The following CACNA1C variants were observed in gnomAD, a reference collection of about 807,000 sequenced individuals.
The protein encoded by CACNA1C is voltage-dependent L-type calcium channel subunit alpha-1C.
In CACNA1C, 30 loss-of-function variants were observed where a neutral mutation model predicts 229.0. That is an observed-to-expected ratio of 0.13 (90% CI 0.10 to 0.18). The LOEUF (loss-of-function observed/expected upper bound fraction) is 0.18, where lower values mean the gene tolerates loss of function less well. CACNA1C is among the 10% of genes least tolerant of loss of function. The pLI is 1.00. For missense variants in CACNA1C, 1,658 were observed against 2,845.0 expected (o/e 0.58, Z 9.49); for synonymous variants, 1,114 against 1,132.5 (o/e 0.98, Z 0.33).
chr12:2,505,398 ATTAT>A (rs1373860815), intron 8 of CACNA1C, among the ~76,000 whole-genome samples: 1 of 152,146 alleles, frequency 6.6e-6, no homozygotes, highest in African/African-American at 2.4e-5. Context: ...AAAGCCATAT[ATTAT>A]TTAAGAATAG....
chr12:2,079,188 G>A (rs1195740371), intron 1 of CACNA1C, among the ~76,000 whole-genome samples: 1 of 151,318 alleles, frequency 6.6e-6, no homozygotes, highest in East Asian at 1.9e-4. Context: ...TAAATGAAGA[G>A]TTAATGGGTG....
chr12:2,674,874 A>G (rs1393853129), intron 39 of CACNA1C, among the ~76,000 whole-genome samples: 1 of 152,184 alleles, frequency 6.6e-6, no homozygotes, highest in Non-Finnish European at 1.5e-5. Context: ...CAGAAACAGA[A>G]AGTCAGGTTG....
intron 6 of CACNA1C, among the ~76,000 whole-genome samples, chr12:2,487,353 G>A (rs997372496): frequency 6.6e-6 from 1 of 150,462 alleles, no homozygotes; most frequent in African/African-American, 2.5e-5. Context: ...GGGACCTCTC[G>A]CTTCATTGGG....
At chr12:2,402,759 G>A (rs191878436) in intron 3 of CACNA1C, among the ~76,000 whole-genome samples, 200 of 152,324 alleles carry the variant, frequency 1.3e-3, no homozygotes, top group African/African-American at 4.2e-3. Context: ...CAGTGCCAGT[G>A]GGAGCCCTGG....
At chr12:2,484,973 G>A (rs2099692415) in intron 5 of CACNA1C, among the ~76,000 whole-genome samples, 1 of 148,924 alleles carries the variant, frequency 6.7e-6, no homozygotes, top group Non-Finnish European at 1.5e-5. Context: ...AATCAGCCTT[G>A]CGAGAATCAC....
intron 10 of CACNA1C, among the ~76,000 whole-genome samples, chr12:2,554,685 C>A (rs922235718): frequency 6.6e-6 from 1 of 152,164 alleles, no homozygotes; most frequent in Non-Finnish European, 1.5e-5. Flanking sequence ...GAACCCTGGG[C>A]CACCTCCCAG....
At chr12:2,140,711 A>G (rs1049821354) in intron 3 of CACNA1C, among the ~76,000 whole-genome samples, 6 of 151,400 alleles carry the variant, frequency 4.0e-5, no homozygotes, top group African/African-American at 1.5e-4. Flanking sequence ...TCCTTCATGC[A>G]TTCCTTCTGT....
chr12:2,651,837 C>T lies in CACNA1C; in HGVS notation c.4074+69C>T. ...GCCGCGTGGCCCAGAACACAGCTGACACAAGGAGGAGCCCTCCACTCTGGG... is the reference window on the plus strand; with the variant it reads ...GCCGCGTGGCCCAGAACACAGCTGATACAAGGAGGAGCCCTCCACTCTGGG... On this transcript the variant is annotated intron_variant, in intron 32 of 46. Coordinates refer to ENST00000399655, the MANE Select transcript of CACNA1C (RefSeq NM_000719.7). The surrounding 1 kb of genome is among the most constrained non-coding windows in gnomAD (Gnocchi z 5.4). 3 of 1,286,894 alleles carry T rather than the reference C, an allele frequency of 2.3e-6. No individual in the cohort carries two copies. Among genetic ancestry groups the T allele is most frequent in the Admixed American group, 2.2e-5 (1 of 45,268 alleles). The allele number at this position is 1,286,894 out of a possible 1,614,324, so 79.7% of individuals were successfully genotyped here.
At chr12:2,648,885 A>G (rs960225177) in intron 31 of CACNA1C, among the ~76,000 whole-genome samples, 4 of 152,190 alleles carry the variant, frequency 2.6e-5, no homozygotes, top group Admixed American at 6.5e-5. Flanking sequence ...TATGAGAGCC[A>G]TGGTAGGGCT....
intron 18 of CACNA1C, among the ~76,000 whole-genome samples, chr12:2,588,136 T>G (rs749099175): frequency 2.0e-5 from 3 of 152,200 alleles, no homozygotes; most frequent in African/African-American, 2.4e-5. Context: ...TCCCAGAGAC[T>G]CCTCCGAAGA....
chr12:2,550,682 T>C (rs10848675), intron 10 of CACNA1C: 1,277,107 of 1,336,042 alleles, frequency 0.96, 611,250 homozygotes, highest in Non-Finnish European at 0.97. Flanking sequence ...CATTTCTGAA[T>C]TGCTCCACCT....
intron 1 of CACNA1C, among the ~76,000 whole-genome samples, chr12:2,069,180 C>G (rs2060368372): frequency 6.6e-6 from 1 of 152,206 alleles, no homozygotes; most frequent in Non-Finnish European, 1.5e-5. Context: ...ACATCACAGC[C>G]TGCAATCCCA....
At chr12:1,983,066 T>C (rs2036610070) in intron 1 of CACNA1C, among the ~76,000 whole-genome samples, 1 of 152,118 alleles carries the variant, frequency 6.6e-6, no homozygotes, top group South Asian at 2.1e-4. Context: ...TCCCTTATTA[T>C]CCTTTTAATG....
At position 2,214,811 on chromosome 12, in the gene CACNA1C, A is replaced by G. The variant is rs575771116; in HGVS notation, c.477+94381A>G. 3.5e-4 allele frequency among the ~76,000 whole-genome samples: 44 copies of G among 126,390 alleles called. No homozygotes were observed. In the East Asian group the frequency reaches 9.4e-3, roughly 27 times the overall value. The allele number at this position is 126,390 out of a possible 152,430, so 82.9% of individuals were successfully genotyped here. A position where few individuals can be genotyped will look rare whatever the true frequency, so the allele number is the denominator to read the frequency against. On this transcript the variant is annotated intron_variant, in intron 3 of 46. Transcript: ENST00000399655. ...AGGCAGACACTTCTAGTTAGCGCAC[A>G]TGGTTGATGGACATGTGAGGTTCCT...
chr12:2,626,573 T>G (rs1226923952), intron 29 of CACNA1C, among the ~76,000 whole-genome samples: 1 of 152,204 alleles, frequency 6.6e-6, no homozygotes, highest in African/African-American at 2.4e-5. Context: ...TGCATGGCCA[T>G]GTGTCTGCCT....
chr12:2,075,137 T>C (rs1457816389), intron 1 of CACNA1C, among the ~76,000 whole-genome samples: 9 of 152,236 alleles, frequency 5.9e-5, no homozygotes, highest in Admixed American at 5.9e-4. Context: ...CCCGCTCTCC[T>C]TAGCCCAGGC....
intron 3 of CACNA1C, among the ~76,000 whole-genome samples, chr12:2,420,787 A>G (rs377059056): frequency 5.9e-5 from 9 of 152,190 alleles, no homozygotes; most frequent in Non-Finnish European, 1.3e-4. Flanking sequence ...TGCGCCTTGC[A>G]TTGCTCTCAC....
intron 1 of CACNA1C, among the ~76,000 whole-genome samples, chr12:2,045,145 G>C (rs572116712): frequency 2.6e-4 from 39 of 152,254 alleles, no homozygotes; most frequent in African/African-American, 7.7e-4. Context: ...ATTTCTGATG[G>C]CCAAATAAAT....
intron 3 of CACNA1C, among the ~76,000 whole-genome samples, chr12:2,201,862 G>T (rs1262809541): frequency 6.6e-6 from 1 of 152,172 alleles, no homozygotes; most frequent in East Asian, 1.9e-4. Context: ...GGATTGGCTT[G>T]GGTGAATTGT....
Sources: allele counts gnomAD v4.1 joint callset (sites outside exome capture counted in the v4.1 genomes callset), GRCh38; gene constraint gnomAD v4.1.1; non-coding constraint Gnocchi (gnomAD v3.1); transcripts MANE v1.5; gene names NCBI Gene and HGNC (gene_info 2026-07-23, HGNC 2026-07-21).